HEATR5B: variants seen among roughly 807,000 people sequenced by gnomAD.
HEATR5B encodes the protein HEAT repeat containing 5B.
In HEATR5B, 156 loss-of-function variants were observed where a neutral mutation model predicts 224.1. That is an observed-to-expected ratio of 0.70 (90% confidence interval 0.61 to 0.80). HEATR5B has a LOEUF of 0.80. HEATR5B is among the 30% of genes least tolerant of loss of function. The pLI is 0.00. For synonymous variants in HEATR5B, 1,027 were observed against 893.0 expected (o/e 1.15, Z -2.68); for missense variants, 2,323 against 2,535.5 (o/e 0.92, Z 1.80).
chr2:37,067,449 AT>A (rs1279288686), intron 8 of HEATR5B, among the ~76,000 whole-genome samples: 8 of 152,196 alleles, frequency 5.3e-5, no homozygotes, highest in Non-Finnish European at 1.2e-4. Context: ...ACGATTCATA[AT>A]TTTCAGTTAG....
At chr2:37,010,232 T>C (rs1667701909) in intron 27 of HEATR5B, among the ~76,000 whole-genome samples, 1 of 152,184 alleles carries the variant, frequency 6.6e-6, no homozygotes, top group African/African-American at 2.4e-5. Context: ...AGAATTGCTC[T>C]AGATAAAAAT....
At chr2:37,054,011 T>C (rs1670724879) in intron 16 of HEATR5B, among the ~76,000 whole-genome samples, 1 of 152,016 alleles carries the variant, frequency 6.6e-6, no homozygotes, top group Non-Finnish European at 1.5e-5. Context: ...ATTTTAAAAA[T>C]ACTCTTAGAA....
chr2:37,075,739 AT>A (rs1435038244), intron 4 of HEATR5B, 105 bp from the exon 5 acceptor site: 1 of 646,560 alleles, frequency 1.5e-6, no homozygotes, highest in African/African-American at 1.9e-5. Flanking sequence ...TTACCTCCAA[AT>A]TATAAACGGT....
chr2:37,003,773 T>TAAA, intron 30 of HEATR5B, 87 bp from the exon 31 acceptor site: 1 of 903,964 alleles, frequency 1.1e-6, no homozygotes, highest in East Asian at 3.1e-5. Flanking sequence ...AATACCTATG[T>TAAA]AAAAAAAGAA....
At position 37,040,415 on chromosome 2, in the gene HEATR5B, G is replaced by C. The variant is rs1336849052; in HGVS notation, c.2960C>G (p.Thr987Arg). The C allele has an allele frequency of 6.2e-6, 10 of 1,613,990 alleles. No homozygotes were observed. Among genetic ancestry groups the C allele is most frequent in the Non-Finnish European group, 8.5e-6 (10 of 1,179,934 alleles). ...TLSLVLTLLL[T>R]VPPSHTEVHQ... ...AACTTCTGTATGTGAAGGCGGAACT[G>C]TCAACAGCAAGGTAAGAACTAGAGA... The change falls in exon 20 of 36, where the codon ACA (threonine) becomes AGA (arginine). Residue 987 changes from threonine to arginine, a missense_variant. This residue lies in a region of HEATR5B where 22 missense variants were observed against 46.9 expected (regional missense o/e 0.47). Transcript: ENST00000233099.
chr2:37,062,246 G>A (rs1222277191), intron 10 of HEATR5B, among the ~76,000 whole-genome samples, 196 bp from the exon 11 acceptor site: 4 of 152,082 alleles, frequency 2.6e-5, no homozygotes, highest in African/African-American at 9.7e-5. Flanking sequence ...GGGCAACACG[G>A]TGAAACCCTG....
chr2:37,000,331 C>T (rs1016088833), intron 33 of HEATR5B, among the ~76,000 whole-genome samples: 1 of 152,148 alleles, frequency 6.6e-6, no homozygotes, highest in Non-Finnish European at 1.5e-5. Context: ...CCACCTTGGC[C>T]TCCCAAAATG....
chr2:37,011,594 T>C (rs1353614776), intron 27 of HEATR5B, among the ~76,000 whole-genome samples: 1 of 152,216 alleles, frequency 6.6e-6, no homozygotes, highest in Admixed American at 6.5e-5. Flanking sequence ...CTGTATTTAG[T>C]TTTACTGATA....
chr2:37,031,302 C>A (rs920085241), intron 22 of HEATR5B, among the ~76,000 whole-genome samples: 1 of 152,102 alleles, frequency 6.6e-6, no homozygotes, highest in Non-Finnish European at 1.5e-5. Context: ...TCCAAACATA[C>A]TCATTTGTAA....
chr2:37,008,378 A>T (rs1251700407), intron 28 of HEATR5B: 4 of 561,416 alleles, frequency 7.1e-6, no homozygotes, highest in Non-Finnish European at 1.3e-5. Context: ...TCATACAGCT[A>T]TTATTGTAAC....
intron 24 of HEATR5B, among the ~76,000 whole-genome samples, chr2:37,023,082 A>T (rs1668564671): frequency 6.6e-6 from 1 of 152,100 alleles, no homozygotes; most frequent in South Asian, 2.1e-4. Context: ...AAGAGGGAAA[A>T]GAAAAGCACG....
chr2:37,032,708 T>C lies in HEATR5B; in HGVS notation c.3282A>G (p.Ala1094=). The C allele has an allele frequency of 6.2e-7, 1 of 1,614,122 alleles. No individual in the cohort carries two copies. The highest frequency in any genetic ancestry group is 8.5e-7 in the Non-Finnish European group (1 of 1,179,986). ...CACATACTTCCGCTGCTTCTCTTTGTGCAAGTTGCCGAAGACATGCCACAG... is the reference window on the plus strand; with the variant it reads ...CACATACTTCCGCTGCTTCTCTTTGCGCAAGTTGCCGAAGACATGCCACAG... ...RAAVACLRQL[A]QREAAEVCEY... Residue 1094 remains alanine (A), a synonymous_variant, in exon 22 of 36, where the codon GCA becomes GCG. Coordinates refer to ENST00000233099, the MANE Select transcript of HEATR5B (RefSeq NM_019024.3).
At chr2:37,033,667 A>T (rs766240734) in intron 21 of HEATR5B, among the ~76,000 whole-genome samples, 2 of 152,224 alleles carry the variant, frequency 1.3e-5, no homozygotes, top group Admixed American at 6.5e-5. Flanking sequence ...AACATGGCAT[A>T]AAAGTTAAGA....
chr2:37,000,870 G>C (rs1572768409), intron 32 of HEATR5B, 57 bp from the exon 33 acceptor site: 5 of 1,150,296 alleles, frequency 4.3e-6, no homozygotes, highest in East Asian at 4.8e-5. Flanking sequence ...TATTATAGTT[G>C]TTTTCATTGC....
At chr2:37,070,519 T>C in intron 6 of HEATR5B, 132 bp from the exon 7 acceptor site, 1 of 715,798 alleles carries the variant, frequency 1.4e-6, no homozygotes, top group Admixed American at 3.1e-5. Context: ...AATTGTTTTC[T>C]TAAAATTTTC....
chr2:37,033,209 G>A (rs922295510), intron 21 of HEATR5B, among the ~76,000 whole-genome samples: 1 of 152,038 alleles, frequency 6.6e-6, no homozygotes, highest in Non-Finnish European at 1.5e-5. Flanking sequence ...TCTTACTTCT[G>A]AAGATGCTCT....
At chr2:37,018,898 A>T (rs2148432155) in intron 26 of HEATR5B, among the ~76,000 whole-genome samples, 1 of 152,308 alleles carries the variant, frequency 6.6e-6, no homozygotes, top group East Asian at 1.9e-4. Context: ...GTGGTGGCAC[A>T]TCCCTGTAAT....
intron 29 of HEATR5B, 47 bp from the exon 30 acceptor site, chr2:37,005,806 T>G (rs1667378822): frequency 1.4e-6 from 2 of 1,427,142 alleles, no homozygotes; most frequent in Non-Finnish European, 1.9e-6. Flanking sequence ...ATAAAACACT[T>G]TATGTTGTTT....
intron 27 of HEATR5B, among the ~76,000 whole-genome samples, chr2:37,011,972 A>G (rs1198910701): frequency 6.6e-6 from 1 of 152,148 alleles, no homozygotes; most frequent in Non-Finnish European, 1.5e-5. Flanking sequence ...AAAAGGTTCT[A>G]TATTTTATAT....
Sources: allele counts gnomAD v4.1 joint callset (sites outside exome capture counted in the v4.1 genomes callset), GRCh38; gene constraint gnomAD v4.1.1; regional missense constraint gnomAD v4.1.1; transcripts MANE v1.5; gene names NCBI Gene and HGNC (gene_info 2026-07-23, HGNC 2026-07-21).